FUT8: variants seen among roughly 807,000 people sequenced by gnomAD.
FUT8 encodes the protein alpha-(1,6)-fucosyltransferase.
Under a neutral mutation model 71.3 loss-of-function variants are expected in FUT8, and 29 were observed. The ratio of observed to expected loss-of-function variants is 0.41; its 90% CI spans 0.30 to 0.55. The LOEUF (loss-of-function observed/expected upper bound fraction) is 0.55. Ranked by LOEUF, FUT8 falls within the 20% of genes least tolerant of loss-of-function variation. The pLI, the probability that FUT8 is intolerant of heterozygous loss-of-function variation, is 0.34. For missense variants in FUT8, 544 were observed against 702.1 expected (o/e 0.77, Z 2.55); for synonymous variants, 254 against 239.3 (o/e 1.06, Z -0.57).
At chr14:65,700,085 A>G (rs1020328638) in intron 7 of FUT8, among the ~76,000 whole-genome samples, 5 of 152,206 alleles carry the variant, frequency 3.3e-5, no homozygotes, top group East Asian at 1.9e-4. Flanking sequence ...AAAATGTAAC[A>G]TAATCTGATT....
intron 6 of FUT8, among the ~76,000 whole-genome samples, chr14:65,639,603 T>TTCTACTATTTCCCA (rs1167147731): frequency 6.6e-6 from 1 of 152,096 alleles, no homozygotes; most frequent in East Asian, 1.9e-4. Context: ...TTTTGGATCT[T>TTCTACTATTTCCCA]TCTACTATTT....
intron 1 of FUT8, among the ~76,000 whole-genome samples, chr14:65,440,344 A>G (rs899217542): frequency 2.0e-5 from 3 of 151,452 alleles, no homozygotes; most frequent in Admixed American, 1.3e-4. Flanking sequence ...CTTAGAAAGT[A>G]GTTTTTTTTT....
In FUT8 at chr14:65,669,189, G is replaced by A; in HGVS notation, c.598-54G>A. ...GAAAGATTAAAAAAAAAAAAGAGCA[G>A]TTGACCTCTCTGTACAACTTATCTT... On this transcript the variant is annotated intron_variant, in intron 6 of 10. Transcript: ENST00000673929. This position sits in a 1 kb window ranked among gnomAD's most constrained non-coding sequence, Gnocchi z 4.5. 7.5e-7 allele frequency: 1 copy of A among 1,327,298 alleles called. No individual in the cohort carries two copies. Among genetic ancestry groups the A allele is most frequent in the South Asian group, 1.3e-5 (1 of 76,020 alleles). 82.2% of individuals were successfully genotyped at this position (1,327,298 alleles called of 1,614,324 possible).
chr14:65,426,916 T>C (rs2139412196), intron 1 of FUT8, among the ~76,000 whole-genome samples: 1 of 152,208 alleles, frequency 6.6e-6, no homozygotes, highest in Non-Finnish European at 1.5e-5. Context: ...TGGAGTGCAG[T>C]GGTGTGATCT....
upstream of FUT8, chr14:65,412,020 C>CA (rs1214246906): frequency 4.4e-6 from 2 of 456,728 alleles, no homozygotes; most frequent in South Asian, 3.1e-5. Flanking sequence ...GGCAAAGCCT[C>CA]TCCCCTCTCC....
At chr14:65,485,664 A>G (rs755516393) in intron 2 of FUT8, among the ~76,000 whole-genome samples, 2 of 152,180 alleles carry the variant, frequency 1.3e-5, no homozygotes, top group African/African-American at 4.8e-5. Flanking sequence ...ACTGTGCTGA[A>G]TATTTGAGAG....
At chr14:65,499,437 A>G (rs1036318017) in intron 2 of FUT8, among the ~76,000 whole-genome samples, 2 of 152,140 alleles carry the variant, frequency 1.3e-5, no homozygotes, top group African/African-American at 4.8e-5. Context: ...TACATGGGGC[A>G]AATTATTTAA....
At chr14:65,732,775 G>A (rs1896037815) in intron 9 of FUT8, among the ~76,000 whole-genome samples, 1 of 152,124 alleles carries the variant, frequency 6.6e-6, no homozygotes, top group Non-Finnish European at 1.5e-5. Context: ...AACTTGTAAT[G>A]TCAATGAAGA....
intron 2 of FUT8, among the ~76,000 whole-genome samples, chr14:65,492,118 A>T (rs1294321225): frequency 6.6e-6 from 1 of 152,242 alleles, no homozygotes; most frequent in Admixed American, 6.5e-5. Context: ...GTGCCTAATT[A>T]TACAATTGTT....
rs934917776 is a variant in FUT8, at chr14:65,621,591, C to T, written c.482+5218C>T. Among the ~76,000 whole-genome samples the T allele has an allele frequency of 5.3e-5, 8 of 151,904 alleles. No homozygotes were observed. The South Asian group carries it at 8.3e-4, about 16-fold the overall frequency. Reference sequence around the variant, plus strand: ...TTTTTTTTTATTTAAGATGGAGTTTCGCTCTTGTTGCCCAGGCTGGAGTGC... The same window carrying T: ...TTTTTTTTTATTTAAGATGGAGTTTTGCTCTTGTTGCCCAGGCTGGAGTGC... On this transcript the variant is annotated intron_variant, in intron 5 of 10. Transcript: ENST00000673929.
chr14:65,563,594 TTG>T (rs1886032576), intron 3 of FUT8, among the ~76,000 whole-genome samples: 1 of 152,044 alleles, frequency 6.6e-6, no homozygotes, highest in Non-Finnish European at 1.5e-5. Flanking sequence ...ATTTTGGAGT[TTG>T]CTTTGATTGT....
At chr14:65,590,300 C>T (rs1185584201) in intron 3 of FUT8, among the ~76,000 whole-genome samples, 3 of 152,154 alleles carry the variant, frequency 2.0e-5, no homozygotes, top group Non-Finnish European at 2.9e-5. Context: ...AGAAACTTTG[C>T]AATGAGTATG....
intron 7 of FUT8, among the ~76,000 whole-genome samples, chr14:65,713,696 A>G (rs1340421453): frequency 1.3e-5 from 2 of 152,138 alleles, no homozygotes; most frequent in Non-Finnish European, 1.5e-5. Flanking sequence ...GAAATGTCTA[A>G]TCGGATCTTT....
chr14:65,548,605 C>G (rs1885108850), intron 2 of FUT8, among the ~76,000 whole-genome samples: 1 of 151,760 alleles, frequency 6.6e-6, no homozygotes. Context: ...ACTTTGAAAC[C>G]TCAAACTAAA....
intron 7 of FUT8, among the ~76,000 whole-genome samples, chr14:65,699,458 C>G (rs1197919450): frequency 1.3e-5 from 2 of 152,108 alleles, no homozygotes; most frequent in Non-Finnish European, 2.9e-5. Context: ...AGCACATGGT[C>G]TTAGTGTTAG....
At position 65,717,295 on chromosome 14, in the gene FUT8, G is replaced by A. The variant is rs532169794; in HGVS notation, c.836-4480G>A. On this transcript the variant is annotated intron_variant, in intron 7 of 10. Transcript: ENST00000673929. ...CAGAGGCGCTCCTCACTTCCCAGACGATGGGCGGCCGGGCAGAGGCACTCC... is the reference window on the plus strand; with the variant it reads ...CAGAGGCGCTCCTCACTTCCCAGACAATGGGCGGCCGGGCAGAGGCACTCC... 6.8e-4 allele frequency among the ~76,000 whole-genome samples: 57 copies of A among 83,442 alleles called. 2 individuals carry two copies. The highest frequency in any genetic ancestry group is 1.1e-3 in the Non-Finnish European group (47 of 41,422). 54.7% of individuals were successfully genotyped at this position (83,442 alleles called of 152,430 possible).
rs1293423898 is a variant in FUT8, at chr14:65,449,149, G to C, written c.-325-6472G>C. On this transcript the variant is annotated intron_variant, in intron 1 of 10. Transcript: ENST00000673929. ...GACCAAATTTAATATAGTTGATTTA[G>C]TACTAGTTTATGTTGATGATGTAGA... Among the ~76,000 whole-genome samples, 6 of 152,276 alleles carry C rather than the reference G, an allele frequency of 3.9e-5. No homozygotes were observed. In the South Asian group the frequency reaches 1.2e-3, roughly 32 times the overall value.
In FUT8 at chr14:65,533,592, A is replaced by G. The variant is rs147857490; in HGVS notation, c.-227-27745A>G. Among the ~76,000 whole-genome samples the G allele has an allele frequency of 1.7e-3, 254 of 152,226 alleles. 1 individual carries two copies. Among genetic ancestry groups the G allele is most frequent in the African/African-American group, 5.7e-3 (235 of 41,520 alleles). On this transcript the variant is annotated intron_variant, in intron 2 of 10. Coordinates refer to ENST00000673929, the MANE Select transcript of FUT8 (RefSeq NM_001371533.1). ...GGTTTTGTAGGTATAGAATCATGTCATCTCCAAACAGTGATAGTTTGACTT... is the reference window on the plus strand; with the variant it reads ...GGTTTTGTAGGTATAGAATCATGTCGTCTCCAAACAGTGATAGTTTGACTT...
chr14:65,417,819 C>G (rs7145759), intron 1 of FUT8, among the ~76,000 whole-genome samples: 1 of 151,982 alleles, frequency 6.6e-6, no homozygotes, highest in African/African-American at 2.4e-5. Flanking sequence ...TAACTTCTTC[C>G]TCGAAGCACT....
Sources: gnomAD v4.1 joint callset for allele counts (sites outside exome capture counted in the v4.1 genomes callset) on GRCh38, gnomAD v4.1.1 for gene constraint, Gnocchi (gnomAD v3.1) non-coding constraint, MANE v1.5 for transcripts, NCBI Gene and HGNC (gene_info 2026-07-23, HGNC 2026-07-21) for gene names.